The following ANO3 variants were observed in gnomAD, a reference collection of about 807,000 sequenced individuals.
ANO3 encodes anoctamin 3.
ANO3 carries 99 observed loss-of-function variants against 144.8 expected under a neutral mutation model. That is an observed-to-expected ratio of 0.68 (90% CI 0.58 to 0.81). The LOEUF is 0.81. Among genes scored for constraint, ANO3 ranks in the 30% least tolerant of loss-of-function variants. ANO3 has a pLI of 0.00. For synonymous variants in ANO3, 414 were observed against 392.6 expected, an observed-to-expected ratio of 1.05 and a Z score of -0.64; for missense variants, 905 against 1,202.2, an observed-to-expected ratio of 0.75 and a Z score of 3.66.
At chr11:26,354,386 T>G (rs1447163371) in intron 1 of ANO3, among the ~76,000 whole-genome samples, 1 of 152,220 alleles carries the variant, frequency 6.6e-6, no homozygotes, top group East Asian at 1.9e-4. Context: ...TGATGATGGC[T>G]TGATAGTTTC....
chr11:26,216,914 T>C (rs530693272), intron 1 of ANO3, among the ~76,000 whole-genome samples: 1 of 152,164 alleles, frequency 6.6e-6, no homozygotes, highest in Non-Finnish European at 1.5e-5. Flanking sequence ...AATCATGTGG[T>C]GAGTTTTCTT....
intron 1 of ANO3, among the ~76,000 whole-genome samples, chr11:26,311,347 G>A (rs922130843): frequency 1.3e-5 from 2 of 152,158 alleles, no homozygotes; most frequent in African/African-American, 4.8e-5. Flanking sequence ...AGCTGCTTCT[G>A]CCCTCACGAA....
intron 14 of ANO3, chr11:26,560,147 CTT>C: frequency 5.4e-6 from 1 of 185,674 alleles, no homozygotes; most frequent in Non-Finnish European, 1.1e-5. Context: ...TTCCATTCAT[CTT>C]TTTTAACCTT....
At chr11:26,599,512 T>G (rs1339221505) in intron 16 of ANO3, 38 bp from the exon 17 acceptor site, 1 of 1,591,234 alleles carries the variant, frequency 6.3e-7, no homozygotes, top group South Asian at 1.1e-5. Context: ...GTTAATGATG[T>G]AAAATATGGA....
At chr11:26,556,966 T>G (rs1850099581) in intron 13 of ANO3, among the ~76,000 whole-genome samples, 1 of 152,124 alleles carries the variant, frequency 6.6e-6, no homozygotes, top group Admixed American at 6.6e-5. Flanking sequence ...ACCCAGCAGG[T>G]ATCATGGAGA....
intron 1 of ANO3, among the ~76,000 whole-genome samples, chr11:26,276,012 T>C (rs965759669): frequency 1.3e-5 from 2 of 152,146 alleles, no homozygotes; most frequent in Non-Finnish European, 1.5e-5. Flanking sequence ...TACAGTAATA[T>C]ACACAAAATG....
At position 26,364,105 on chromosome 11, in the gene ANO3, G is replaced by A. The variant is rs368518952; in HGVS notation, c.46+31784G>A. Among the ~76,000 whole-genome samples, 24 of 152,264 alleles carry A rather than the reference G, an allele frequency of 1.6e-4. No individual in the cohort carries two copies. The South Asian group carries it at 4.3e-3, about 28-fold the overall frequency. On this transcript the variant is annotated intron_variant, in intron 1 of 26. Coordinates refer to ENST00000256737, the MANE Select transcript of ANO3 (RefSeq NM_031418.4). ...CAAAGATGTTTTAACTACAGCATTC[G>A]CAGTTTCTATATCATAGTAGATGCC...
At chr11:26,224,290 C>T (rs113115014) in intron 1 of ANO3, among the ~76,000 whole-genome samples, 2 of 152,358 alleles carry the variant, frequency 1.3e-5, no homozygotes, top group African/African-American at 4.8e-5. Context: ...CACAGCACCC[C>T]ACTGGGTTAA....
intron 1 of ANO3, among the ~76,000 whole-genome samples, chr11:26,426,557 C>A (rs1017168989): frequency 1.3e-5 from 2 of 151,916 alleles, no homozygotes; most frequent in African/African-American, 4.8e-5. Context: ...TTGAAAAATA[C>A]CTAAATATCC....
intron 17 of ANO3, among the ~76,000 whole-genome samples, chr11:26,608,783 T>C (rs1033995071): frequency 1.3e-5 from 2 of 152,054 alleles, no homozygotes; most frequent in African/African-American, 4.8e-5. Flanking sequence ...GAACAAACCG[T>C]CCAGCCTCCC....
At chr11:26,388,794 G>A (rs573807145) in intron 1 of ANO3, among the ~76,000 whole-genome samples, 2 of 152,172 alleles carry the variant, frequency 1.3e-5, no homozygotes, top group Admixed American at 1.3e-4. Flanking sequence ...TCTATGGAAC[G>A]GGGAATTAAG....
chr11:26,537,324 T>C, intron 9 of ANO3, 82 bp from the exon 10 acceptor site: 1 of 1,106,958 alleles, frequency 9.0e-7, no homozygotes, highest in South Asian at 1.2e-5. Flanking sequence ...ATCGATTCAT[T>C]GTTCCCCGTA....
chr11:26,332,117 G>A, upstream of ANO3: 1 of 1,486,780 alleles, frequency 6.7e-7, no homozygotes, highest in Non-Finnish European at 8.9e-7. Context: ...CGACACCGGC[G>A]GGCGCGTAGC....
At chr11:26,591,419 C>T (rs1851449492) in intron 14 of ANO3, among the ~76,000 whole-genome samples, 1 of 152,076 alleles carries the variant, frequency 6.6e-6, no homozygotes, top group African/African-American at 2.4e-5. Flanking sequence ...GCATCTGGGG[C>T]TCCATTTGAA....
chr11:26,535,571 C>CTTTTTTTTTTTTTTTTTTTTTTTTTTT (rs72278856), intron 9 of ANO3, among the ~76,000 whole-genome samples: 1 of 58,570 alleles, frequency 1.7e-5, no homozygotes, highest in Non-Finnish European at 2.8e-5. Flanking sequence ...AAGACAGCCA[C>CTTTTTTTTTTTTTTTTTTTTTTTTTTT]TTTTTTTTTT....
intron 5 of ANO3, 150 bp from the exon 6 acceptor site, chr11:26,516,676 AT>A (rs140868622): frequency 3.1e-5 from 15 of 481,338 alleles, no homozygotes; most frequent in Middle Eastern, 3.0e-4. Context: ...CTTCATTAAG[AT>A]TTTTTTTATC....
intron 18 of ANO3, among the ~76,000 whole-genome samples, chr11:26,631,406 T>C: frequency 6.6e-6 from 1 of 152,172 alleles, no homozygotes; most frequent in East Asian, 1.9e-4. Flanking sequence ...ATAAATAAAA[T>C]AGTGAGAATC....
intron 12 of ANO3, among the ~76,000 whole-genome samples, chr11:26,551,379 TCTC>T (rs1849928146): frequency 2.2e-4 from 4 of 18,180 alleles, no homozygotes; most frequent in Admixed American, 1.3e-3. Context: ...ATGGGAACTC[TCTC>T]TCCCTCTAGT....
At chr11:26,445,916 C>G (rs539998550) in intron 3 of ANO3, among the ~76,000 whole-genome samples, 254 of 152,234 alleles carry the variant, frequency 1.7e-3, no homozygotes, top group Non-Finnish European at 3.1e-3. Flanking sequence ...ACTGCAACCT[C>G]TGCCTGCCAG....
Sources: allele counts gnomAD v4.1 joint callset (sites outside exome capture counted in the v4.1 genomes callset), GRCh38; gene constraint gnomAD v4.1.1; transcripts MANE v1.5; gene names NCBI Gene and HGNC (gene_info 2026-07-23, HGNC 2026-07-21).